CCDC7: variants seen among roughly 807,000 people sequenced by gnomAD.
CCDC7 encodes the protein coiled-coil domain containing 7.
Under a neutral mutation model 196.9 loss-of-function variants are expected in CCDC7, and 183 were observed. The observed-to-expected ratio is 0.93, with a 90% CI of 0.82 to 1.05. The LOEUF is 1.05. Ranked by LOEUF, CCDC7 falls within the 50% of genes least tolerant of loss-of-function variation. The probability of loss-of-function intolerance (pLI) is 0.00; values close to 1 mark genes in which losing one functional copy is unlikely to be tolerated. For missense variants in CCDC7, 1,540 were observed against 1,482.2 expected, an observed-to-expected ratio of 1.04 and a Z score of -0.64; for synonymous variants, 525 against 484.6, an observed-to-expected ratio of 1.08 and a Z score of -1.10.
At chr10:32,826,632 C>T (rs2091163578) in intron 32 of CCDC7, among the ~76,000 whole-genome samples, 1 of 152,250 alleles carries the variant, frequency 6.6e-6, no homozygotes, top group South Asian at 2.1e-4. Flanking sequence ...TCTCCCCAAG[C>T]CTGCACCAAT....
At chr10:32,809,677 G>C (rs1423649908) in intron 30 of CCDC7, among the ~76,000 whole-genome samples, 1 of 152,170 alleles carries the variant, frequency 6.6e-6, no homozygotes, top group East Asian at 1.9e-4. Context: ...ACCACAATGA[G>C]ATACCATCTC....
At chr10:32,597,160 A>G (rs2060469422) in intron 18 of CCDC7, among the ~76,000 whole-genome samples, 1 of 152,202 alleles carries the variant, frequency 6.6e-6, no homozygotes, top group African/African-American at 2.4e-5. Flanking sequence ...TTTCAGGTAC[A>G]CCAATCAGAC....
intron 28 of CCDC7, among the ~76,000 whole-genome samples, chr10:32,757,159 T>C (rs1477191354): frequency 6.6e-6 from 1 of 152,056 alleles, no homozygotes; most frequent in African/African-American, 2.4e-5. Flanking sequence ...AATGGGAGAC[T>C]TTAACACCCC....
intron 20 of CCDC7, among the ~76,000 whole-genome samples, chr10:32,649,255 C>T (rs1044306104): frequency 1.6e-4 from 25 of 152,180 alleles, no homozygotes; most frequent in Non-Finnish European, 2.4e-4. Flanking sequence ...ACCACCATGG[C>T]ACACATTTAG....
At position 32,853,159 on chromosome 10, in the gene CCDC7, G is replaced by GT. The variant is rs546717631; in HGVS notation, c.4022-1232dup. Among the ~76,000 whole-genome samples the GT allele has an allele frequency of 2.3e-3, 342 of 150,458 alleles. 3 individuals carry two copies. Among genetic ancestry groups the GT allele is most frequent in the African/African-American group, 7.8e-3 (321 of 41,014 alleles). On this transcript the variant is annotated intron_variant, in intron 40 of 41. Transcript: ENST00000639629. ...GCTCCTGGTTTTTCCTATAATTTGG[G>GT]TTTTTTTTTCTAAGCCCAAGACTTT...
intron 18 of CCDC7, among the ~76,000 whole-genome samples, chr10:32,624,567 C>G (rs926932883): frequency 1.3e-5 from 2 of 152,162 alleles, no homozygotes; most frequent in Admixed American, 1.3e-4. Context: ...GTTTATGTCT[C>G]TCTCATCTAA....
At chr10:32,782,239 GT>G (rs1362607850) in intron 29 of CCDC7, among the ~76,000 whole-genome samples, 4 of 144,538 alleles carry the variant, frequency 2.8e-5, no homozygotes, top group African/African-American at 7.6e-5. Flanking sequence ...GTTTTTTTTG[GT>G]TTTTTTTTGA....
intron 38 of CCDC7, among the ~76,000 whole-genome samples, chr10:32,848,135 T>C (rs1312896992): frequency 6.6e-6 from 1 of 152,220 alleles, no homozygotes; most frequent in East Asian, 1.9e-4. Flanking sequence ...ATGAGGTTTA[T>C]AATTCTCTGT....
intron 30 of CCDC7, among the ~76,000 whole-genome samples, chr10:32,810,666 C>T (rs1180387419): frequency 6.6e-6 from 1 of 152,010 alleles, no homozygotes; most frequent in East Asian, 1.9e-4. Flanking sequence ...AACCAAATGG[C>T]CCTAACAGAT....
At chr10:32,845,706 G>A in intron 35 of CCDC7, 80 bp downstream of exon 36, 1 of 1,297,360 alleles carries the variant, frequency 7.7e-7, no homozygotes, top group Non-Finnish European at 1.1e-6. Flanking sequence ...ACATTTAATG[G>A]CAATAGTACC....
intron 24 of CCDC7, among the ~76,000 whole-genome samples, chr10:32,700,884 G>C (rs768873444): frequency 4.7e-4 from 72 of 152,184 alleles, no homozygotes; most frequent in Non-Finnish European, 8.8e-4. Flanking sequence ...AAGAATACTT[G>C]TGAGTTTTGC....
chr10:32,468,727 G>A (rs1429711755), intron 5 of CCDC7, among the ~76,000 whole-genome samples: 1 of 145,486 alleles, frequency 6.9e-6, no homozygotes, highest in Non-Finnish European at 1.5e-5. Flanking sequence ...CACATTACTG[G>A]ATTAGATTTC....
intron 30 of CCDC7, among the ~76,000 whole-genome samples, chr10:32,812,356 T>C (rs2135369440): frequency 6.6e-6 from 1 of 152,192 alleles, no homozygotes; most frequent in South Asian, 2.1e-4. Flanking sequence ...TTGCCTCAGC[T>C]TTTTAAAAAA....
chr10:32,776,038 A>C (rs571807803), intron 28 of CCDC7, among the ~76,000 whole-genome samples: 91 of 146,682 alleles, frequency 6.2e-4, no homozygotes, highest in African/African-American at 2.2e-3. Flanking sequence ...AGAACAAAAA[A>C]CCAAACACCG....
At chr10:32,700,397 G>C (rs972973937) in intron 24 of CCDC7, among the ~76,000 whole-genome samples, 4 of 144,602 alleles carry the variant, frequency 2.8e-5, no homozygotes, top group East Asian at 1.9e-4. Context: ...GGGCTCTATT[G>C]TGTTCCATTG....
chr10:32,740,335 A>G (rs1565352542), intron 28 of CCDC7, among the ~76,000 whole-genome samples: 1 of 152,156 alleles, frequency 6.6e-6, no homozygotes, highest in African/African-American at 2.4e-5. Flanking sequence ...TTAATGATAT[A>G]TTTGGATTTA....
chr10:32,686,326 A>G (rs1377730508), intron 22 of CCDC7, among the ~76,000 whole-genome samples: 1 of 152,228 alleles, frequency 6.6e-6, no homozygotes. Flanking sequence ...TAGCAGGCCA[A>G]TAATTGTCTT....
intron 21 of CCDC7, among the ~76,000 whole-genome samples, chr10:32,669,617 A>G (rs1370518648): frequency 6.6e-6 from 1 of 152,142 alleles, no homozygotes; most frequent in South Asian, 2.1e-4. Context: ...GGTAGGTTGC[A>G]TGTGTCTAGG....
intron 31 of CCDC7, among the ~76,000 whole-genome samples, chr10:32,818,442 T>C (rs1431424626): frequency 6.6e-6 from 1 of 152,000 alleles, no homozygotes; most frequent in Non-Finnish European, 1.5e-5. Flanking sequence ...GACAGAAAGT[T>C]AACAAGGATA....
Sources: gnomAD v4.1 joint callset for allele counts (sites outside exome capture counted in the v4.1 genomes callset) on GRCh38, gnomAD v4.1.1 for gene constraint, MANE v1.5 for transcripts, NCBI Gene and HGNC (gene_info 2026-07-23, HGNC 2026-07-21) for gene names.